Variants in NEXMIF observed in about 807,000 individuals in gnomAD.
The protein encoded by NEXMIF is neurite extension and migration factor.
Under a neutral mutation model 62.1 loss-of-function variants are expected in NEXMIF, and 8 were observed. The observed-to-expected ratio is 0.13, with a 90% CI of 0.08 to 0.23. NEXMIF has a LOEUF of 0.23. NEXMIF is among the 10% of genes least tolerant of loss of function. The pLI is 1.00. For missense variants in NEXMIF, 976 were observed against 1,113.3 expected (o/e 0.88, Z 1.75); for synonymous variants, 404 against 416.6 (o/e 0.97, Z 0.37).
intron 1 of NEXMIF, among the ~76,000 whole-genome samples, chrX:74,808,130 G>A (rs760853023): frequency 9.0e-6 from 1 of 111,435 alleles, no homozygotes; most frequent in African/African-American, 3.3e-5. Context: ...GGGGCTGGGT[G>A]CAGTGGCTCA....
intron 1 of NEXMIF, among the ~76,000 whole-genome samples, chrX:74,910,451 C>T (rs769304586): frequency 1.8e-5 from 2 of 112,109 alleles, no homozygotes; most frequent in East Asian, 2.8e-4. Flanking sequence ...ACCTGTACCC[C>T]CATTGTATCT....
chrX:74,740,216 C>T lies in NEXMIF; in HGVS notation c.4341G>A (p.Leu1447=). The T allele has an allele frequency of 3.3e-6, 4 of 1,211,485 alleles. No individual in the cohort carries two copies. The highest frequency in any genetic ancestry group is 4.5e-6 in the Non-Finnish European group (4 of 895,445). Residue 1447 remains leucine (L), a synonymous_variant, in exon 3 of 4, where the codon TTG becomes TTA. Coordinates refer to ENST00000055682, the MANE Select transcript of NEXMIF (RefSeq NM_001008537.3). ...CCTTGGAGCTGGATTTGTGACGATA[C>T]AACTTTTTGTGTGTCGGTCCGTTAT... ...LGNNGPTHKK[L]YRHKSSSKAL...
intron 1 of NEXMIF, among the ~76,000 whole-genome samples, chrX:74,874,788 T>C (rs1301857234): frequency 4.2e-5 from 4 of 94,656 alleles, no homozygotes; most frequent in African/African-American, 1.7e-4. Context: ...GATTTGGCTC[T>C]CTGTTTGTCT....
intron 1 of NEXMIF, among the ~76,000 whole-genome samples, chrX:74,749,067 A>G (rs1001742957): frequency 1.8e-5 from 2 of 111,694 alleles, no homozygotes; most frequent in African/African-American, 6.5e-5. Flanking sequence ...CAAGATGCTC[A>G]GAGTCTAGAG....
intron 1 of NEXMIF, among the ~76,000 whole-genome samples, chrX:74,835,780 T>C (rs1023148110): frequency 3.6e-5 from 4 of 111,396 alleles, no homozygotes; most frequent in Admixed American, 9.5e-5. Context: ...ACCACCCACA[T>C]TTACTCAAGT....
At chrX:74,869,048 T>C (rs1307730790) in intron 1 of NEXMIF, among the ~76,000 whole-genome samples, 1 of 111,164 alleles carries the variant, frequency 9.0e-6, no homozygotes. Context: ...TATAAAACAA[T>C]ATGACTGATG....
At chrX:74,829,060 T>A (rs1420644634) in intron 1 of NEXMIF, among the ~76,000 whole-genome samples, 2 of 112,034 alleles carry the variant, frequency 1.8e-5, no homozygotes, top group East Asian at 2.8e-4. Context: ...TTTAAATTTT[T>A]AAAATTTTTG....
intron 1 of NEXMIF, among the ~76,000 whole-genome samples, chrX:74,835,424 G>A (rs1418280399): frequency 9.0e-5 from 10 of 111,235 alleles, no homozygotes; most frequent in Middle Eastern, 4.7e-3. Context: ...TCACAGTCTG[G>A]GCTTATTTGC....
intron 1 of NEXMIF, among the ~76,000 whole-genome samples, chrX:74,817,104 T>G (rs2080378430): frequency 9.1e-6 from 1 of 109,393 alleles, no homozygotes; most frequent in Admixed American, 9.8e-5. Context: ...GAGATTCAGA[T>G]TTTTTTTTTA....
intron 1 of NEXMIF, among the ~76,000 whole-genome samples, chrX:74,906,794 CCT>C (rs2080770559): frequency 9.0e-6 from 1 of 111,173 alleles, no homozygotes; most frequent in Admixed American, 9.6e-5. Flanking sequence ...CCCCTACTGC[CCT>C]CTCCCAAGAT....
intron 1 of NEXMIF, among the ~76,000 whole-genome samples, chrX:74,886,143 G>A (rs965089702): frequency 2.7e-5 from 3 of 111,374 alleles, no homozygotes; most frequent in Non-Finnish European, 3.8e-5. Context: ...TTGATGGGAC[G>A]TATCTCAAGA....
chrX:74,885,497 C>T (rs1456583780), intron 1 of NEXMIF, among the ~76,000 whole-genome samples: 1 of 111,572 alleles, frequency 9.0e-6, no homozygotes, highest in Non-Finnish European at 1.9e-5. Flanking sequence ...TACAAACTAC[C>T]ATCAGAGAAT....
At chrX:74,779,364 A>G (rs192427302) in intron 1 of NEXMIF, among the ~76,000 whole-genome samples, 100 of 111,703 alleles carry the variant, frequency 9.0e-4, no homozygotes, top group African/African-American at 3.0e-3. Context: ...GGTTTCTGGT[A>G]GTAGGTGTCT....
At chrX:74,815,434 T>A (rs2080372889) in intron 1 of NEXMIF, among the ~76,000 whole-genome samples, 1 of 110,981 alleles carries the variant, frequency 9.0e-6, no homozygotes, top group South Asian at 3.8e-4. Context: ...CATTGTCACA[T>A]TTGGGTTAAG....
At chrX:74,841,349 G>C (rs996711092) in intron 1 of NEXMIF, among the ~76,000 whole-genome samples, 1 of 112,103 alleles carries the variant, frequency 8.9e-6, no homozygotes, top group Non-Finnish European at 1.9e-5. Context: ...CTTTGTTGAA[G>C]TTGTTTATCA....
rs568620051 is a variant in NEXMIF, at chrX:74,861,966, T to C, written c.-48+62917A>G. Among the ~76,000 whole-genome samples the C allele has an allele frequency of 3.8e-4, 43 of 111,724 alleles. No individual in the cohort carries two copies. In the South Asian group the frequency reaches 0.015, roughly 39 times the overall value. On this transcript the variant is annotated intron_variant, in intron 1 of 3. Coordinates refer to ENST00000055682, the MANE Select transcript of NEXMIF (RefSeq NM_001008537.3). ...TCTGCAAAATAACCAGCTAGCATCA[T>C]GATGAAAGGACCAAATTCACACATA...
At chrX:74,774,164 G>C (rs2080221676) in intron 1 of NEXMIF, among the ~76,000 whole-genome samples, 3 of 110,967 alleles carry the variant, frequency 2.7e-5, no homozygotes, top group Admixed American at 9.6e-5. Context: ...TATGGTAACA[G>C]GATTATAGAG....
chrX:74,888,094 A>G (rs1029142698), intron 1 of NEXMIF, among the ~76,000 whole-genome samples: 4 of 109,842 alleles, frequency 3.6e-5, no homozygotes, highest in Non-Finnish European at 7.6e-5. Context: ...AAGAATGAGA[A>G]CACATGGACA....
At position 74,735,243 on chromosome X, in the gene NEXMIF, G is replaced by C. The variant is rs1430427831; in HGVS notation, c.*4162C>G. The C allele has an allele frequency of 9.0e-6, 1 of 111,009 alleles. No individual in the cohort carries two copies. The highest frequency in any genetic ancestry group is 3.3e-5 in the African/African-American group (1 of 30,485). The allele number at this position is 111,009 out of a possible 1,213,427, so 9.1% of individuals were successfully genotyped here. On this transcript the variant is annotated 3_prime_UTR_variant, in exon 4 of 4. Transcript: ENST00000055682. ...GAGAAAATAAACATTTCTATTTCTA[G>C]CAATAGTTAGGACTAGCTAGTGCTC...
Sources: allele counts gnomAD v4.1 joint callset (sites outside exome capture counted in the v4.1 genomes callset), GRCh38; gene constraint gnomAD v4.1.1; transcripts MANE v1.5; gene names NCBI Gene and HGNC (gene_info 2026-07-23, HGNC 2026-07-21).